PAK3: variants seen among roughly 807,000 people sequenced by gnomAD.
PAK3 encodes the protein serine/threonine-protein kinase PAK 3.
In PAK3, 4 loss-of-function variants were observed where a neutral mutation model predicts 41.0. The ratio of observed to expected loss-of-function variants is 0.10; its 90% confidence interval spans 0.05 to 0.22. PAK3 has a LOEUF of 0.22. Ranked by LOEUF, PAK3 falls within the 10% of genes least tolerant of loss-of-function variation. PAK3 has a pLI of 1.00. For missense variants in PAK3, 205 were observed against 409.9 expected (o/e 0.50, Z 4.32); for synonymous variants, 146 against 139.6 (o/e 1.05, Z -0.32).
intron 8 of PAK3, among the ~76,000 whole-genome samples, chrX:111,154,933 G>A (rs1223249659): frequency 9.0e-6 from 1 of 111,465 alleles, no homozygotes; most frequent in East Asian, 2.8e-4. Flanking sequence ...AGGATAGCCT[G>A]TGTATTGGTT....
intron 7 of PAK3, 128 bp from the exon 8 acceptor site, chrX:111,152,282 A>C (rs1489743884): frequency 1.0e-5 from 5 of 492,709 alleles, no homozygotes; most frequent in Non-Finnish European, 1.8e-5. Flanking sequence ...ATATCTAGTT[A>C]ATACTAAATT....
intron 1 of PAK3, among the ~76,000 whole-genome samples, chrX:111,003,705 G>A (rs1057360691): frequency 8.9e-6 from 1 of 111,941 alleles, no homozygotes; most frequent in Non-Finnish European, 1.9e-5. Context: ...ACTTCATGGA[G>A]GAGATGTCCT....
chrX:111,017,251 G>C (rs1261023407), intron 1 of PAK3, among the ~76,000 whole-genome samples: 1 of 110,498 alleles, frequency 9.0e-6, no homozygotes, highest in Admixed American at 9.6e-5. Flanking sequence ...ATAGTGAATA[G>C]AAAATAAAAT....
upstream of PAK3, among the ~76,000 whole-genome samples, chrX:111,094,913 T>G (rs2092961014): frequency 9.0e-6 from 1 of 110,752 alleles, no homozygotes; most frequent in Non-Finnish European, 1.9e-5. Context: ...GGTCTTGAAC[T>G]CCTGACCTCA....
chrX:111,099,581 G>C (rs770430620), intron 3 of PAK3, among the ~76,000 whole-genome samples: 1 of 109,126 alleles, frequency 9.2e-6, no homozygotes, highest in East Asian at 3.0e-4. Context: ...AGGGAGGCCA[G>C]AGTTTTTCTT....
chrX:111,140,617 A>G (rs765146101), intron 5 of PAK3, among the ~76,000 whole-genome samples: 2 of 111,850 alleles, frequency 1.8e-5, no homozygotes, highest in East Asian at 5.6e-4. Flanking sequence ...TAAAAATGGA[A>G]TCTGTAATGA....
At chrX:111,154,536 A>G (rs1487448310) in intron 8 of PAK3, among the ~76,000 whole-genome samples, 2 of 111,595 alleles carry the variant, frequency 1.8e-5, no homozygotes, top group African/African-American at 3.3e-5. Flanking sequence ...CTTAGCACAT[A>G]ATATATATTT....
chrX:111,031,395 C>T lies in PAK3; in HGVS notation c.-28+86767C>T, dbSNP rs781595209. ...AGAAAAGGAAACAAATGAAGGGATT[C>T]TTTGAGCAGAAAACAGAAGCAACAT... On this transcript the variant is annotated intron_variant, in intron 1 of 14. Transcript: ENST00000425146. 2.6e-3 allele frequency among the ~76,000 whole-genome samples: 286 copies of T among 111,743 alleles called. 1 individual carries two copies. Among genetic ancestry groups the T allele is most frequent in the Middle Eastern group, 9.3e-3 (2 of 216 alleles).
At position 111,220,627 on chromosome X, in the gene PAK3, C is replaced by T. The variant is rs1322598187; in HGVS notation, c.*180C>T. On this transcript the variant is annotated 3_prime_UTR_variant, in exon 18 of 18. Transcript: ENST00000372007. ...TCAGATTATGTAATTTATTTGTAAG[C>T]CTGAATCGCAGCCCAAACAGGGCAG... 1 of 461,529 alleles carries T rather than the reference C, an allele frequency of 2.2e-6. No individual in the cohort carries two copies. Among genetic ancestry groups the T allele is most frequent in the Non-Finnish European group, 3.8e-6 (1 of 260,770 alleles). The allele number at this position is 461,529 out of a possible 1,213,427, so 38.0% of individuals were successfully genotyped here.
intron 1 of PAK3, among the ~76,000 whole-genome samples, chrX:110,947,815 T>G (rs2090651251): frequency 9.0e-6 from 1 of 111,319 alleles, no homozygotes; most frequent in Admixed American, 9.5e-5. Context: ...GGCATCTTGC[T>G]GGGTAAGCTT....
chrX:111,220,216 G>A (rs1603403540), intron 17 of PAK3, 142 bp from the exon 18 acceptor site: 1 of 500,039 alleles, frequency 2.0e-6, no homozygotes, highest in Non-Finnish European at 3.6e-6. Context: ...AAGGACAAAA[G>A]CTGGCACCGT....
chrX:111,119,556 T>C (rs2093531836), intron 4 of PAK3, among the ~76,000 whole-genome samples: 1 of 111,780 alleles, frequency 8.9e-6, no homozygotes, highest in Non-Finnish European at 1.9e-5. Context: ...ATTCTTGAAA[T>C]AGAGCCTACA....
At position 111,161,592 on chromosome X, in the gene PAK3, G is replaced by T. The variant is rs1370158505; in HGVS notation, c.469-1323G>T. On this transcript the variant is annotated intron_variant, in intron 8 of 17. Coordinates refer to ENST00000372007, the MANE Select transcript of PAK3 (RefSeq NM_002578.5). The stretch of plus-strand genomic sequence containing the variant: ...CTAGGTTTTCTTCCAGGGTTTTTAT[G>T]GTTTTAGGTCTAACATGTAAGTCTT... Among the ~76,000 whole-genome samples, 78 of 111,031 alleles carry T rather than the reference G, an allele frequency of 7.0e-4. 1 individual carries two copies. Among genetic ancestry groups the T allele is most frequent in the Non-Finnish European group, 7.9e-4 (42 of 53,013 alleles).
intron 16 of PAK3, among the ~76,000 whole-genome samples, chrX:111,203,526 G>C (rs1165106833): frequency 2.7e-5 from 3 of 111,452 alleles, no homozygotes; most frequent in Non-Finnish European, 5.7e-5. Flanking sequence ...TGGCAAGGGG[G>C]AAAGGAGGAC....
At chrX:111,031,721 T>C (rs2092342915) in intron 1 of PAK3, among the ~76,000 whole-genome samples, 1 of 111,790 alleles carries the variant, frequency 8.9e-6, no homozygotes, top group African/African-American at 3.3e-5. Flanking sequence ...CCTCTCTTCT[T>C]CTCAGGTGCA....
intron 5 of PAK3, among the ~76,000 whole-genome samples, chrX:111,126,708 G>C (rs1407027818): frequency 9.0e-6 from 1 of 111,594 alleles, no homozygotes; most frequent in East Asian, 2.8e-4. Flanking sequence ...AGTAAAACTA[G>C]GAAGTGCTGA....
intron 11 of PAK3, among the ~76,000 whole-genome samples, chrX:111,178,549 A>C (rs1381276586): frequency 8.9e-6 from 1 of 111,919 alleles, no homozygotes; most frequent in African/African-American, 3.2e-5. Context: ...TAAAGTCCTT[A>C]GCACAGTACA....
intron 1 of PAK3, among the ~76,000 whole-genome samples, chrX:111,061,940 G>A (rs768384712): frequency 3.6e-5 from 4 of 109,918 alleles, no homozygotes; most frequent in South Asian, 8.0e-4. Flanking sequence ...TCAGCCTCCC[G>A]AGTAGCTGGG....
intron 1 of PAK3, among the ~76,000 whole-genome samples, chrX:110,946,638 A>G (rs1040262552): frequency 8.9e-6 from 1 of 112,481 alleles, no homozygotes; most frequent in African/African-American, 3.2e-5. Context: ...AATTTTTCCA[A>G]TAGTCCATGA....
Sources: allele counts gnomAD v4.1 joint callset (sites outside exome capture counted in the v4.1 genomes callset), GRCh38; gene constraint gnomAD v4.1.1; transcripts MANE v1.5; gene names NCBI Gene and HGNC (gene_info 2026-07-23, HGNC 2026-07-21).